FBXL13: variants seen among roughly 807,000 people sequenced by gnomAD.
FBXL13 encodes the protein F-box and leucine-rich repeat protein 13.
FBXL13 carries 67 observed loss-of-function variants against 83.6 expected under a neutral mutation model. The ratio of observed to expected loss-of-function variants is 0.80; its 90% CI spans 0.66 to 0.98. The LOEUF (loss-of-function observed/expected upper bound fraction) is 0.98. Among genes scored for constraint, FBXL13 ranks in the 50% least tolerant of loss-of-function variants. FBXL13 has a pLI of 0.00. For synonymous variants in FBXL13, 272 were observed against 299.5 expected (o/e 0.91, Z 0.95); for missense variants, 822 against 866.5 (o/e 0.95, Z 0.64).
chr7:102,862,757 C>T (rs1201550978), intron 16 of FBXL13, among the ~76,000 whole-genome samples: 1 of 152,186 alleles, frequency 6.6e-6, no homozygotes. Context: ...GCTGACCATC[C>T]CCTGCTTTTT....
chr7:102,897,529 G>A (rs1008349511), intron 11 of FBXL13, among the ~76,000 whole-genome samples: 50 of 152,122 alleles, frequency 3.3e-4, no homozygotes, highest in African/African-American at 1.1e-3. Context: ...AAACAAGAGA[G>A]GGGCCCTGCA....
At chr7:103,030,969 C>T (rs1469264923) in intron 2 of FBXL13, 1 of 151,426 alleles carries the variant, frequency 6.6e-6, no homozygotes, top group African/African-American at 2.4e-5. Context: ...AGCGAGGGAG[C>T]GAGGGAGGGG....
chr7:103,064,496 G>A (rs1406665981), intron 1 of FBXL13, among the ~76,000 whole-genome samples: 1 of 152,208 alleles, frequency 6.6e-6, no homozygotes, highest in South Asian at 2.1e-4. Flanking sequence ...GGTAATTACA[G>A]TAATTGAGAT....
chr7:102,955,241 C>A (rs550748293), intron 8 of FBXL13, among the ~76,000 whole-genome samples: 1 of 151,800 alleles, frequency 6.6e-6, no homozygotes, highest in African/African-American at 2.4e-5. Context: ...AACAAACTCA[C>A]TCAAAACTGC....
At chr7:102,866,605 T>G (rs1807690678) in intron 16 of FBXL13, among the ~76,000 whole-genome samples, 1 of 152,206 alleles carries the variant, frequency 6.6e-6, no homozygotes, top group African/African-American at 2.4e-5. Context: ...GTTTCCTGCT[T>G]TAGAGGTTTT....
At chr7:103,035,577 T>C (rs1487969453) in intron 2 of FBXL13, among the ~76,000 whole-genome samples, 1 of 152,184 alleles carries the variant, frequency 6.6e-6, no homozygotes, top group African/African-American at 2.4e-5. Context: ...TTTTGTAAGA[T>C]ATCCATTTAC....
intron 2 of FBXL13, among the ~76,000 whole-genome samples, chr7:103,046,618 A>T (rs941862749): frequency 6.6e-6 from 1 of 152,214 alleles, no homozygotes; most frequent in Non-Finnish European, 1.5e-5. Flanking sequence ...CACGAATAAA[A>T]GTATACCCTA....
At chr7:103,026,610 A>AG (rs1432123100) in intron 5 of FBXL13, among the ~76,000 whole-genome samples, 24 of 152,232 alleles carry the variant, frequency 1.6e-4, no homozygotes, top group Non-Finnish European at 2.9e-4. Flanking sequence ...AGAGCATCTC[A>AG]AGTAATCTCT....
intron 2 of FBXL13, among the ~76,000 whole-genome samples, chr7:103,047,342 C>T (rs1796378744): frequency 6.6e-6 from 1 of 152,132 alleles, no homozygotes; most frequent in Non-Finnish European, 1.5e-5. Flanking sequence ...AGATAGCCTT[C>T]CTGGTCTTCC....
rs1387229333 is a variant in FBXL13, at chr7:103,060,023, T to TATATAC, written c.-104-4277_-104-4276insGTATAT. Among the ~76,000 whole-genome samples, 17 of 57,176 alleles carry TATATAC rather than the reference T, an allele frequency of 3.0e-4. 1 individual carries two copies. Among genetic ancestry groups the TATATAC allele is most frequent in the Admixed American group, 2.7e-3 (16 of 5,828 alleles). The allele number at this position is 57,176 out of a possible 152,430, so 37.5% of individuals were successfully genotyped here. A position where few individuals can be genotyped will look rare whatever the true frequency, so the allele number is the denominator to read the frequency against. Reference sequence around the variant, plus strand: ...CAGATAATGATAGCAAGATATTTTATATATATATATATATATATATATATA... The same window carrying TATATAC: ...CAGATAATGATAGCAAGATATTTTATATATACATATATATATATATATATATATATA... On this transcript the variant is annotated intron_variant, in intron 1 of 19. Coordinates refer to ENST00000313221, the Ensembl canonical transcript of FBXL13.
intron 17 of FBXL13, among the ~76,000 whole-genome samples, chr7:102,841,215 T>C (rs1298599275): frequency 6.6e-6 from 1 of 151,896 alleles, no homozygotes; most frequent in Non-Finnish European, 1.5e-5. Flanking sequence ...TTATTTTCCC[T>C]TTTTTTAAAT....
At chr7:102,994,651 T>G (rs1355274665) in intron 6 of FBXL13, among the ~76,000 whole-genome samples, 1 of 152,208 alleles carries the variant, frequency 6.6e-6, no homozygotes, top group East Asian at 1.9e-4. Context: ...GTTTCGCTTT[T>G]ATAGTTAAAA....
At chr7:102,854,668 T>TAAAG in intron 17 of FBXL13, 109 bp downstream of exon 18, 3 of 605,102 alleles carry the variant, frequency 5.0e-6, no homozygotes, top group Non-Finnish European at 8.4e-6. Context: ...ATTTATATTT[T>TAAAG]GCAATTCTGT....
chr7:102,944,289 A>G (rs748072816), intron 8 of FBXL13: 3 of 1,614,006 alleles, frequency 1.9e-6, no homozygotes, highest in Non-Finnish European at 1.7e-6. Flanking sequence ...ATGGCGTATT[A>G]GAAGACTTGT....
intron 6 of FBXL13, among the ~76,000 whole-genome samples, chr7:102,999,848 T>C (rs1166396180): frequency 1.3e-5 from 2 of 152,170 alleles, no homozygotes; most frequent in Non-Finnish European, 2.9e-5. Context: ...AAAAAACAAC[T>C]TTTTATTGTG....
At chr7:102,972,934 TAATA>T (rs146569714) in intron 6 of FBXL13, among the ~76,000 whole-genome samples, 7,949 of 152,208 alleles carry the variant, frequency 0.052, 274 homozygotes, top group East Asian at 0.12. Context: ...AATTGACAAA[TAATA>T]ATTAAAATGC....
intron 17 of FBXL13, among the ~76,000 whole-genome samples, chr7:102,850,798 A>C (rs1023860478): frequency 6.6e-6 from 1 of 152,176 alleles, no homozygotes; most frequent in African/African-American, 2.4e-5. Context: ...TAAATATACT[A>C]CCAGGCAGAT....
chr7:102,825,955 CATGT>C (rs951392276), intron 18 of FBXL13, among the ~76,000 whole-genome samples: 1 of 152,176 alleles, frequency 6.6e-6, no homozygotes, highest in African/African-American at 2.4e-5. Flanking sequence ...TAAAGGAGAA[CATGT>C]ATGTGACCAG....
intron 2 of FBXL13, among the ~76,000 whole-genome samples, chr7:103,042,096 C>T (rs1795775008): frequency 6.6e-6 from 1 of 152,166 alleles, no homozygotes; most frequent in African/African-American, 2.4e-5. Flanking sequence ...CCCAAAATCT[C>T]CTTAAGCTGA....
Sources: gnomAD v4.1 joint callset for allele counts (sites outside exome capture counted in the v4.1 genomes callset) on GRCh38, gnomAD v4.1.1 for gene constraint, MANE v1.5 for transcripts, NCBI Gene and HGNC (gene_info 2026-07-23, HGNC 2026-07-21) for gene names.